FAM149A: variants seen among roughly 807,000 people sequenced by gnomAD.
FAM149A encodes protein FAM149A.
A neutral mutation model predicts 78.2 loss-of-function variants in FAM149A; 71 were observed. That is an observed-to-expected ratio of 0.91 (90% confidence interval 0.75 to 1.11). The LOEUF (loss-of-function observed/expected upper bound fraction) is 1.11, where lower values mean the gene tolerates loss of function less well. Among genes scored for constraint, FAM149A ranks in the 50% least tolerant of loss-of-function variants. The pLI is 0.00. For missense variants in FAM149A, 1,036 were observed against 971.0 expected (o/e 1.07, Z -0.89); for synonymous variants, 446 against 410.5 (o/e 1.09, Z -1.04).
chr4:186,105,169 G>C lies in FAM149A; in HGVS notation c.93G>C (p.Ser31=). ...CCGCAGGCCCCTCCTCCAGACCCTC[G>C]GGAGGTGCTGCCGCTGCAGGGTCGG... The change falls in exon 1 of 14, where the codon TCG becomes TCC. Residue 31 remains serine, a synonymous_variant. Transcript: ENST00000389354. 7.8e-7 allele frequency: 1 copy of C among 1,277,308 alleles called. No individual in the cohort carries two copies. The highest frequency in any genetic ancestry group is 1.0e-6 in the Non-Finnish European group (1 of 983,690). 79.1% of individuals were successfully genotyped at this position (1,277,308 alleles called of 1,614,324 possible).
chr4:186,170,981 C>G (rs937008037), intron 13 of FAM149A: 1 of 152,332 alleles, frequency 6.6e-6, no homozygotes, highest in Non-Finnish European at 1.5e-5. Context: ...GCAGGATCCT[C>G]ATAAAGGAAT....
intron 1 of FAM149A, among the ~76,000 whole-genome samples, chr4:186,138,057 C>T (rs2099324246): frequency 6.6e-6 from 1 of 152,076 alleles, no homozygotes; most frequent in African/African-American, 2.4e-5. Flanking sequence ...ATTTTTAAAA[C>T]AGACTTTTTA....
intron 4 of FAM149A, 34 bp from the exon 5 acceptor site, chr4:186,153,611 C>A: frequency 6.3e-7 from 1 of 1,593,420 alleles, no homozygotes; most frequent in Non-Finnish European, 8.6e-7. Flanking sequence ...TTTGTCTGAT[C>A]AAAAATGTCA....
intron 13 of FAM149A, chr4:186,169,718 G>A (rs1457063845): frequency 7.1e-6 from 7 of 985,218 alleles, no homozygotes; most frequent in Admixed American, 6.2e-5. Flanking sequence ...AGCTGGTATC[G>A]GGGGACTGCA....
intron 1 of FAM149A, among the ~76,000 whole-genome samples, chr4:186,130,314 T>TATATATATATAA (rs141900902): frequency 0.067 from 7,813 of 116,014 alleles, 399 homozygotes; most frequent in Middle Eastern, 0.077. Flanking sequence ...TATATATATA[T>TATATATATATAA]AATCTATATC....
chr4:186,105,957 G>A (rs557714437), intron 1 of FAM149A, among the ~76,000 whole-genome samples: 2 of 152,264 alleles, frequency 1.3e-5, no homozygotes, highest in Admixed American at 6.5e-5. Flanking sequence ...GTTTTCTTAA[G>A]GACTTTTTGA....
chr4:186,118,781 G>T (rs1346800771), intron 1 of FAM149A, among the ~76,000 whole-genome samples: 1 of 152,180 alleles, frequency 6.6e-6, no homozygotes, highest in Non-Finnish European at 1.5e-5. Context: ...CCGGTTCACG[G>T]TGTCTTTGAG....
At chr4:186,159,609 T>C (rs183856266) in intron 8 of FAM149A, among the ~76,000 whole-genome samples, 38 of 152,228 alleles carry the variant, frequency 2.5e-4, no homozygotes, top group African/African-American at 8.4e-4. Flanking sequence ...ATGAGATTAT[T>C]ATCTTGTCCA....
chr4:186,105,536 C>G lies in FAM149A; in HGVS notation c.460C>G (p.Leu154Val). ...CCAGCCTGGCCCCGGAGAGCGAGAG[C>G]TCGGCGCCTGCGTGGCCCCCGGGGC... Residue 154 changes from leucine (L) to valine (V), a missense_variant, in exon 1 of 14, where the codon CTC becomes GTC. By Grantham distance (32) the Leu-to-Val change is conservative (BLOSUM62 1). Around this residue, in one of 3 missense-constraint regions of FAM149A, gnomAD observed 316 missense variants for 241.9 expected, o/e 1.31. Transcript: ENST00000389354. 1 of 1,142,670 alleles carries G rather than the reference C, an allele frequency of 8.8e-7. No individual in the cohort carries two copies. Among genetic ancestry groups the G allele is most frequent in the Non-Finnish European group, 1.1e-6 (1 of 924,470 alleles). 70.8% of individuals were successfully genotyped at this position (1,142,670 alleles called of 1,614,324 possible). A position where few individuals can be genotyped will look rare whatever the true frequency, so the allele number is the denominator to read the frequency against.
rs1394675751 is a variant in FAM149A, at chr4:186,105,132, C to G, written c.56C>G (p.Ser19Trp). 1 of 1,280,380 alleles carries G rather than the reference C, an allele frequency of 7.8e-7. No homozygotes were observed. The highest frequency in any genetic ancestry group is 1.6e-5 in the African/African-American group (1 of 63,802). The allele number at this position is 1,280,380 out of a possible 1,614,324, so 79.3% of individuals were successfully genotyped here. ...CTCTTGGCCAAACTCTTCGAGACCT[C>G]GACGGCGCCCCCCGCAGGCCCCTCC... The change falls in exon 1 of 14, where the codon TCG becomes TGG. Residue 19 changes from serine to tryptophan, a missense_variant. By Grantham distance (177) the Ser-to-Trp change is radical. This residue lies in a region of FAM149A where 316 missense variants were observed against 241.9 expected (regional missense o/e 1.31). Transcript: ENST00000389354.
chr4:186,164,893 C>G lies in FAM149A; in HGVS notation c.1890-451C>G, dbSNP rs1047849110. ...TTTTCGACCATTCTTCCCAATTGCT[C>G]TCCCTACACATGGAATTGTAGTCCC... is the stretch of plus-strand genomic sequence containing the variant. On this transcript the variant is annotated intron_variant, in intron 10 of 13. Coordinates refer to ENST00000389354, the MANE Select transcript of FAM149A (RefSeq NM_001367768.3). This position sits in a 1 kb window ranked among gnomAD's most constrained non-coding sequence, Gnocchi z 4.0. Among the ~76,000 whole-genome samples the G allele has an allele frequency of 3.9e-5, 6 of 152,088 alleles. No individual in the cohort carries two copies. Among genetic ancestry groups the G allele is most frequent in the Non-Finnish European group, 8.8e-5 (6 of 68,014 alleles).
At position 186,125,934 on chromosome 4, in the gene FAM149A, G is replaced by A. The variant is rs1252601641; in HGVS notation, c.566+20292G>A. The A allele has an allele frequency of 9.1e-6, 9 of 985,342 alleles. No individual in the cohort carries two copies. The Admixed American group carries it at 2.5e-4, about 27-fold the overall frequency. The allele number at this position is 985,342 out of a possible 1,614,324, so 61.0% of individuals were successfully genotyped here. A position where few individuals can be genotyped will look rare whatever the true frequency, so the allele number is the denominator to read the frequency against. ...CCTGCAGACTCGCACTGGCAAGAGC[G>A]CGAGGTAACAGCCTGTTCTCCAGCT... On this transcript the variant is annotated intron_variant, in intron 1 of 13. Coordinates refer to ENST00000389354, the MANE Select transcript of FAM149A (RefSeq NM_001367768.3).
chr4:186,119,948 T>A (rs1366992466), intron 1 of FAM149A, among the ~76,000 whole-genome samples: 1 of 152,176 alleles, frequency 6.6e-6, no homozygotes, highest in Non-Finnish European at 1.5e-5. Flanking sequence ...ATGCAAAAAA[T>A]TGAATCCTAA....
At chr4:186,152,339 A>G (rs1733647874) in intron 4 of FAM149A, among the ~76,000 whole-genome samples, 1 of 152,176 alleles carries the variant, frequency 6.6e-6, no homozygotes, top group Non-Finnish European at 1.5e-5. Flanking sequence ...TTACCTTCAC[A>G]TTCACTGTGT....
chr4:186,105,072 G>A lies in FAM149A; in HGVS notation c.-5G>A. The A allele has an allele frequency of 7.9e-7, 1 of 1,271,034 alleles. No individual in the cohort carries two copies. The highest frequency in any genetic ancestry group is 1.2e-5 in the South Asian group (1 of 80,112). The allele number at this position is 1,271,034 out of a possible 1,614,324, so 78.7% of individuals were successfully genotyped here. On this transcript the variant is annotated 5_prime_UTR_variant, in exon 1 of 14. Transcript: ENST00000389354. Reference sequence around the variant, plus strand: ...CGGCGAGGACGGCGTGTCCACTGTCGAGGCATGAAGGCTGCTGTGCTGGAC... The same window carrying A: ...CGGCGAGGACGGCGTGTCCACTGTCAAGGCATGAAGGCTGCTGTGCTGGAC...
Position 186,146,912 on chromosome 4 carries a change from C to T in FAM149A, c.567-2261C>T, listed in dbSNP as rs78819830. The T allele has an allele frequency of 2.6e-5, 26 of 985,350 alleles. No homozygotes were observed. In the East Asian group the frequency reaches 2.7e-3, roughly 103 times the overall value. The allele number at this position is 985,350 out of a possible 1,614,324, so 61.0% of individuals were successfully genotyped here. A position where few individuals can be genotyped will look rare whatever the true frequency, so the allele number is the denominator to read the frequency against. On this transcript the variant is annotated intron_variant, in intron 1 of 13. Transcript: ENST00000389354. Reference sequence around the variant, plus strand: ...GTCTTCGCCGTTTGAGTCTTTCAACCGAGGGCATCTTTTGTGTGACGAGTG... The same window carrying T: ...GTCTTCGCCGTTTGAGTCTTTCAACTGAGGGCATCTTTTGTGTGACGAGTG...
chr4:186,140,334 G>A (rs780181790), intron 1 of FAM149A, among the ~76,000 whole-genome samples: 7 of 151,386 alleles, frequency 4.6e-5, no homozygotes, highest in Non-Finnish European at 1.0e-4. Flanking sequence ...GTCTTGCTTC[G>A]TCACCCAGGC....
chr4:186,150,564 C>T (rs1241211331), intron 3 of FAM149A, among the ~76,000 whole-genome samples: 11 of 86,562 alleles, frequency 1.3e-4, no homozygotes, highest in Admixed American at 8.5e-4. Context: ...GGACCACAGG[C>T]GCCCACCACC....
chr4:186,143,741 G>A (rs560263184), intron 1 of FAM149A, among the ~76,000 whole-genome samples: 1 of 152,224 alleles, frequency 6.6e-6, no homozygotes, highest in South Asian at 2.1e-4. Context: ...ATGTTGGCCA[G>A]GCTGGTCTTG....
Sources: allele counts gnomAD v4.1 joint callset (sites outside exome capture counted in the v4.1 genomes callset), GRCh38; gene constraint gnomAD v4.1.1; regional missense constraint gnomAD v4.1.1; non-coding constraint Gnocchi (gnomAD v3.1); transcripts MANE v1.5; gene names NCBI Gene and HGNC (gene_info 2026-07-23, HGNC 2026-07-21).